The following EDA variants were observed in gnomAD, a reference collection of about 807,000 sequenced individuals.
EDA encodes ectodysplasin A.
A neutral mutation model predicts 23.6 loss-of-function variants in EDA; 2 were observed. The observed-to-expected ratio is 0.08, with a 90% CI of 0.03 to 0.27. EDA has a LOEUF of 0.27. Ranked by LOEUF, EDA falls within the 10% of genes least tolerant of loss-of-function variation. The pLI, the probability that EDA is intolerant of heterozygous loss-of-function variation, is 1.00. For synonymous variants in EDA, 131 were observed against 132.0 expected (o/e 0.99, Z 0.05); for missense variants, 229 against 324.2 (o/e 0.71, Z 2.26).
Position 69,968,389 on chromosome X carries a change from C to A in EDA, c.502+11257C>A, listed in dbSNP as rs1489976278. On this transcript the variant is annotated intron_variant, in intron 2 of 7. Transcript: ENST00000374552. ...GACAACCCATTTCTAACAAAGGGAA[C>A]AGCAAGTACAAAGCTAACCAATCCC... 3.6e-5 allele frequency among the ~76,000 whole-genome samples: 4 copies of A among 111,919 alleles called. No individual in the cohort carries two copies. In the Admixed American group the frequency reaches 3.8e-4, roughly 11 times the overall value.
rs1028098493 is a variant in EDA, at chrX:69,807,885, A to G, written c.397-149142A>G. Among the ~76,000 whole-genome samples the G allele has an allele frequency of 2.1e-4, 23 of 111,754 alleles. 1 individual carries two copies. Among genetic ancestry groups the G allele is most frequent in the African/African-American group, 6.5e-4 (20 of 30,707 alleles). On this transcript the variant is annotated intron_variant, in intron 1 of 7. Coordinates refer to ENST00000374552, the MANE Select transcript of EDA (RefSeq NM_001399.5). The stretch of plus-strand genomic sequence containing the variant: ...TTGGAATCAGAATGCCTATCTTCAC[A>G]GTTCTGGTACTGCCAGGGACCTTGA...
At chrX:69,641,098 A>C (rs918078711) in intron 1 of EDA, among the ~76,000 whole-genome samples, 1 of 111,008 alleles carries the variant, frequency 9.0e-6, no homozygotes, top group African/African-American at 3.3e-5. Flanking sequence ...GCTAATAAAA[A>C]TTTTGGGCTC....
At chrX:69,989,820 A>C (rs1198140852) in intron 2 of EDA, among the ~76,000 whole-genome samples, 2 of 105,801 alleles carry the variant, frequency 1.9e-5, no homozygotes, top group East Asian at 5.9e-4. Flanking sequence ...ACTTTATCTG[A>C]ACAACAGGAA....
chrX:69,875,832 T>C (rs1443391714), intron 1 of EDA, among the ~76,000 whole-genome samples: 1 of 111,296 alleles, frequency 9.0e-6, no homozygotes, highest in Non-Finnish European at 1.9e-5. Context: ...GCTAAGGACA[T>C]GAATAGACAG....
chrX:69,789,016 C>T (rs2015307953), intron 1 of EDA, among the ~76,000 whole-genome samples: 1 of 112,512 alleles, frequency 8.9e-6, no homozygotes, highest in Admixed American at 9.4e-5. Context: ...TTTAGCCTGT[C>T]GGAAAAGCGC....
rs145937571 is a variant in EDA, at chrX:69,762,816, A to T, written c.396+146112A>T. On this transcript the variant is annotated intron_variant, in intron 1 of 7. Transcript: ENST00000374552. ...TGGAACTCAGCAAGATCAGTAATTA[A>T]AACTCTTGGTCTTTCAGATGTTCCT... 2.9e-4 allele frequency among the ~76,000 whole-genome samples: 32 copies of T among 111,837 alleles called. No homozygotes were observed. The East Asian group carries it at 7.6e-3, about 27-fold the overall frequency.
intron 3 of EDA, among the ~76,000 whole-genome samples, chrX:70,026,099 G>C (rs958153896): frequency 6.2e-5 from 7 of 112,299 alleles, no homozygotes; most frequent in Admixed American, 4.7e-4. Context: ...AAGGTTTTTA[G>C]TGAGACTAGA....
At chrX:69,954,697 C>A (rs1053524119) in intron 1 of EDA, among the ~76,000 whole-genome samples, 10 of 111,751 alleles carry the variant, frequency 8.9e-5, no homozygotes, top group African/African-American at 3.2e-4. Context: ...GGTACATGTG[C>A]AGAATGTACA....
chrX:69,818,239 A>T (rs1048538811), intron 1 of EDA, among the ~76,000 whole-genome samples: 1 of 111,641 alleles, frequency 9.0e-6, no homozygotes, highest in African/African-American at 3.3e-5. Context: ...AGGGAAATTT[A>T]TACCACTAAA....
chrX:69,940,526 T>TA (rs758866428), intron 1 of EDA, among the ~76,000 whole-genome samples: 1 of 111,229 alleles, frequency 9.0e-6, no homozygotes, highest in Non-Finnish European at 1.9e-5. Context: ...TATCTTTTGA[T>TA]AAAAAAACTT....
intron 2 of EDA, among the ~76,000 whole-genome samples, chrX:70,013,993 C>G: frequency 8.9e-6 from 1 of 112,114 alleles, no homozygotes; most frequent in East Asian, 2.8e-4. Context: ...GGTAGTGGCT[C>G]TATATTTATC....
intron 1 of EDA, among the ~76,000 whole-genome samples, chrX:69,775,837 A>T (rs979750263): frequency 1.8e-5 from 2 of 111,986 alleles, no homozygotes; most frequent in African/African-American, 6.5e-5. Context: ...TATGGAGAAA[A>T]TCTTCATTCA....
At chrX:69,923,737 G>T (rs1287394613) in intron 1 of EDA, among the ~76,000 whole-genome samples, 2 of 111,498 alleles carry the variant, frequency 1.8e-5, no homozygotes, top group East Asian at 5.7e-4. Context: ...GATCCTTGAG[G>T]AACTGCCATA....
chrX:69,970,333 TA>T (rs2019231187), intron 2 of EDA, among the ~76,000 whole-genome samples: 1 of 112,264 alleles, frequency 8.9e-6, no homozygotes, highest in Non-Finnish European at 1.9e-5. Flanking sequence ...TAAGACTTTA[TA>T]AGGACTAGAG....
chrX:69,752,988 T>C lies in EDA; in HGVS notation c.396+136284T>C, dbSNP rs751971505. On this transcript the variant is annotated intron_variant, in intron 1 of 7. Transcript: ENST00000374552. The stretch of plus-strand genomic sequence containing the variant: ...CTCTTTTCTTCTTTATTAGTCTTGC[T>C]AGCGGTCTATCAATTTTGTTGATCT... Among the ~76,000 whole-genome samples, 5 of 112,011 alleles carry C rather than the reference T, an allele frequency of 4.5e-5. No homozygotes were observed. The East Asian group carries it at 1.4e-3, about 31-fold the overall frequency.
chrX:70,030,366 A>G, intron 5 of EDA, 103 bp from the exon 6 acceptor site: 1 of 713,101 alleles, frequency 1.4e-6, no homozygotes, highest in South Asian at 2.3e-5. Flanking sequence ...TCAGAATTGG[A>G]TTACAATAGA....
At position 69,821,413 on chromosome X, in the gene EDA, G is replaced by GA. The variant is rs1417111290; in HGVS notation, c.397-135606dup. 6.4e-5 allele frequency among the ~76,000 whole-genome samples: 7 copies of GA among 109,466 alleles called. No homozygotes were observed. In the East Asian group the frequency reaches 2.0e-3, roughly 31 times the overall value. Reference sequence around the variant, plus strand: ...CCCTAAACTTAAAATAAAAGCTGAAGAAAAAAAATAAAAAATAAAGCTGTG... The same window carrying GA: ...CCCTAAACTTAAAATAAAAGCTGAAGAAAAAAAAATAAAAAATAAAGCTGTG... On this transcript the variant is annotated intron_variant, in intron 1 of 7. Coordinates refer to ENST00000374552, the MANE Select transcript of EDA (RefSeq NM_001399.5).
Position 69,791,206 on chromosome X carries a change from C to T in EDA, c.397-165821C>T, listed in dbSNP as rs750137203. 6.6e-4 allele frequency among the ~76,000 whole-genome samples: 73 copies of T among 111,148 alleles called. 1 individual carries two copies. The highest frequency in any genetic ancestry group is 9.6e-4 in the Admixed American group (10 of 10,457). ...TTATGAAGTTAGAAAATAAATTATA[C>T]CTAAGTACTTGATAGAATGTAAAGG... is the stretch of plus-strand genomic sequence containing the variant. On this transcript the variant is annotated intron_variant, in intron 1 of 7. Coordinates refer to ENST00000374552, the MANE Select transcript of EDA (RefSeq NM_001399.5).
At chrX:69,789,873 G>A (rs760806737) in intron 1 of EDA, among the ~76,000 whole-genome samples, 81 of 112,189 alleles carry the variant, frequency 7.2e-4, no homozygotes, top group African/African-American at 2.5e-3. Context: ...ATGAAAAGGG[G>A]AAAATTGAAG....
Sources: gnomAD v4.1 joint callset for allele counts (sites outside exome capture counted in the v4.1 genomes callset) on GRCh38, gnomAD v4.1.1 for gene constraint, MANE v1.5 for transcripts, NCBI Gene and HGNC (gene_info 2026-07-23, HGNC 2026-07-21) for gene names.